CDH13: variants seen among roughly 807,000 people sequenced by gnomAD.
CDH13 encodes cadherin-13.
In CDH13, 24 loss-of-function variants were observed where a neutral mutation model predicts 63.8. The observed-to-expected ratio is 0.38, with a 90% confidence interval of 0.27 to 0.53. The LOEUF (loss-of-function observed/expected upper bound fraction) is 0.53. Ranked by LOEUF, CDH13 falls within the 20% of genes least tolerant of loss-of-function variation. The probability of loss-of-function intolerance (pLI) is 0.85; values close to 1 mark genes in which losing one functional copy is unlikely to be tolerated. For synonymous variants in CDH13, 503 were observed against 355.3 expected, an observed-to-expected ratio of 1.42 and a Z score of -4.67; for missense variants, 1,049 against 903.1, an observed-to-expected ratio of 1.16 and a Z score of -2.07.
intron 4 of CDH13, chr16:83,171,603 C>T (rs2037920845): frequency 6.7e-7 from 1 of 1,497,266 alleles, no homozygotes; most frequent in Non-Finnish European, 9.0e-7. Context: ...ATCTGTGTCT[C>T]TATCTTCATT....
At chr16:83,570,946 C>CATATATATATATATATAT (rs57586630) in intron 7 of CDH13, among the ~76,000 whole-genome samples, 45 of 110,030 alleles carry the variant, frequency 4.1e-4, no homozygotes, top group African/African-American at 1.1e-3. Flanking sequence ...ATAACTCATC[C>CATATATATATATATATAT]ATATATATAT....
intron 2 of CDH13, among the ~76,000 whole-genome samples, chr16:82,875,503 G>A (rs184352769): frequency 8.5e-5 from 13 of 152,278 alleles, no homozygotes; most frequent in Admixed American, 7.2e-4. Context: ...TTAAGCAATG[G>A]GAACTCATAG....
chr16:82,706,166 T>G (rs1288775580), intron 1 of CDH13, among the ~76,000 whole-genome samples: 2 of 151,560 alleles, frequency 1.3e-5, no homozygotes, highest in Non-Finnish European at 2.9e-5. Flanking sequence ...CTTCTCCCTT[T>G]TTCGCTCCCT....
At chr16:83,750,504 C>T (rs1433802248) in intron 11 of CDH13, among the ~76,000 whole-genome samples, 1 of 152,116 alleles carries the variant, frequency 6.6e-6, no homozygotes, top group Non-Finnish European at 1.5e-5. Flanking sequence ...GGTTCCATAG[C>T]ATGTACCTTA....
intron 5 of CDH13, among the ~76,000 whole-genome samples, chr16:83,272,673 C>A (rs1172258801): frequency 6.6e-6 from 1 of 152,092 alleles, no homozygotes; most frequent in South Asian, 2.1e-4. Flanking sequence ...GTCTGTGTGG[C>A]CCCTGAAGAT....
At chr16:83,147,483 A>T (rs117775768) in intron 4 of CDH13, among the ~76,000 whole-genome samples, 2,826 of 152,184 alleles carry the variant, frequency 0.019, 40 homozygotes, top group Non-Finnish European at 0.03. Flanking sequence ...GTCATTTCTG[A>T]TCTGGTGCCT....
chr16:82,964,984 A>G (rs1179178000), intron 2 of CDH13, among the ~76,000 whole-genome samples: 1 of 152,238 alleles, frequency 6.6e-6, no homozygotes, highest in Non-Finnish European at 1.5e-5. Context: ...CTAAGAAGGA[A>G]GGTGGAAGCA....
At chr16:83,408,978 T>C (rs2092087642) in intron 6 of CDH13, among the ~76,000 whole-genome samples, 1 of 152,120 alleles carries the variant, frequency 6.6e-6, no homozygotes, top group Admixed American at 6.5e-5. Context: ...GTGTCTGCTT[T>C]TCAGTGACGT....
intron 3 of CDH13, among the ~76,000 whole-genome samples, chr16:83,086,820 G>T (rs947758357): frequency 3.9e-5 from 6 of 152,240 alleles, no homozygotes; most frequent in African/African-American, 1.4e-4. Context: ...TAGGAAATTG[G>T]CTAAAAGATC....
At chr16:82,711,059 A>G (rs1436974308) in intron 1 of CDH13, among the ~76,000 whole-genome samples, 1 of 151,896 alleles carries the variant, frequency 6.6e-6, no homozygotes, top group Non-Finnish European at 1.5e-5. Flanking sequence ...AGTCTGGGCC[A>G]GTCATTTGCC....
intron 5 of CDH13, among the ~76,000 whole-genome samples, chr16:83,314,685 T>C (rs567339453): frequency 6.6e-6 from 1 of 152,304 alleles, no homozygotes; most frequent in South Asian, 2.1e-4. Flanking sequence ...TTGGACTTAA[T>C]GAGACATGAT....
chr16:82,931,246 A>G (rs752852580), intron 2 of CDH13, among the ~76,000 whole-genome samples: 9 of 152,234 alleles, frequency 5.9e-5, no homozygotes, highest in Admixed American at 1.3e-4. Flanking sequence ...GAATTTTCTC[A>G]TCATGTAATT....
intron 4 of CDH13, among the ~76,000 whole-genome samples, chr16:83,188,071 G>C (rs904358599): frequency 6.6e-5 from 10 of 152,204 alleles, no homozygotes; most frequent in Admixed American, 3.3e-4. Flanking sequence ...TAGGAGAAAA[G>C]CTGTGACCAG....
At chr16:83,572,550 C>T (rs1243246919) in intron 7 of CDH13, among the ~76,000 whole-genome samples, 2 of 152,164 alleles carry the variant, frequency 1.3e-5, no homozygotes, top group African/African-American at 2.4e-5. Context: ...CCTCTTAAGT[C>T]CTCAGTACTG....
chr16:83,526,958 C>T (rs1056311149), intron 7 of CDH13, among the ~76,000 whole-genome samples: 1 of 151,948 alleles, frequency 6.6e-6, no homozygotes, highest in Non-Finnish European at 1.5e-5. Flanking sequence ...ATGGTGAAAC[C>T]CCGTCTATAC....
At position 82,858,321 on chromosome 16, in the gene CDH13, A is replaced by G. The variant is rs115815165; in HGVS notation, c.46-41A>G. On this transcript the variant is annotated intron_variant, in intron 1 of 13. Coordinates refer to ENST00000567109, the MANE Select transcript of CDH13 (RefSeq NM_001257.5). The stretch of plus-strand genomic sequence containing the variant: ...TGGCGAAAGTTAGCAGGGCAAACAC[A>G]TAAGCCGCTATTAAAATATTGATGG... 1,297 of 1,369,412 alleles carry G rather than the reference A, an allele frequency of 9.5e-4. 11 individuals carry two copies. In the African/African-American group the frequency reaches 0.017, roughly 18 times the overall value. The allele number at this position is 1,369,412 out of a possible 1,614,324, so 84.8% of individuals were successfully genotyped here.
At chr16:83,103,740 C>G (rs930744346) in intron 3 of CDH13, among the ~76,000 whole-genome samples, 1 of 152,144 alleles carries the variant, frequency 6.6e-6, no homozygotes, top group African/African-American at 2.4e-5. Context: ...GGATACATCA[C>G]AGAAATTGTG....
intron 7 of CDH13, among the ~76,000 whole-genome samples, chr16:83,596,115 A>T (rs150717731): frequency 1.4e-3 from 218 of 152,312 alleles, no homozygotes; most frequent in African/African-American, 4.9e-3. Context: ...CAGGGAGAAT[A>T]CAACTTGATC....
intron 5 of CDH13, among the ~76,000 whole-genome samples, chr16:83,329,921 C>T (rs929096268): frequency 6.6e-6 from 1 of 152,186 alleles, no homozygotes; most frequent in Non-Finnish European, 1.5e-5. Context: ...ATTATCCATT[C>T]ATCTGCTAAT....
Sources: allele counts gnomAD v4.1 joint callset (sites outside exome capture counted in the v4.1 genomes callset), GRCh38; gene constraint gnomAD v4.1.1; transcripts MANE v1.5; gene names NCBI Gene and HGNC (gene_info 2026-07-23, HGNC 2026-07-21).